The following MYOCD variants were observed in gnomAD, a reference collection of about 807,000 sequenced individuals.
MYOCD encodes myocardin.
In MYOCD, 32 loss-of-function variants were observed where a neutral mutation model predicts 96.1. The observed-to-expected ratio is 0.33, with a 90% CI of 0.25 to 0.45. The LOEUF (loss-of-function observed/expected upper bound fraction) is 0.45, where lower values mean the gene tolerates loss of function less well. MYOCD is among the 20% of genes least tolerant of loss of function. The pLI is 1.00. For synonymous variants in MYOCD, 469 were observed against 469.0 expected, an observed-to-expected ratio of 1.00 and a Z score of 0.00; for missense variants, 1,133 against 1,200.6, an observed-to-expected ratio of 0.94 and a Z score of 0.83.
At chr17:12,725,841 C>G (rs1393957282) in intron 5 of MYOCD, among the ~76,000 whole-genome samples, 1 of 151,980 alleles carries the variant, frequency 6.6e-6, no homozygotes, top group Non-Finnish European at 1.5e-5. Context: ...AAGTATTTCT[C>G]TATTCCTATC....
chr17:12,712,600 A>ATG (rs1265527109), intron 2 of MYOCD, among the ~76,000 whole-genome samples: 2 of 152,154 alleles, frequency 1.3e-5, no homozygotes, highest in African/African-American at 2.4e-5. Context: ...AAGTCAGCAA[A>ATG]TGTTTATATG....
In MYOCD at chr17:12,666,150, G is replaced by C. The variant is rs1909363826; in HGVS notation, c.-39G>C. 1 of 1,565,804 alleles carries C rather than the reference G, an allele frequency of 6.4e-7. No homozygotes were observed. Among genetic ancestry groups the C allele is most frequent in the African/African-American group, 1.4e-5 (1 of 73,888 alleles). On this transcript the variant is annotated 5_prime_UTR_variant, in exon 1 of 14. Transcript: ENST00000425538. ...GCCTGTTGCTGGTGGAGAACAGGGG[G>C]CGCCTGGCCAAGGGACCAGCGGCTT...
In MYOCD at chr17:12,745,875, C is replaced by T. The variant is rs757585545; in HGVS notation, c.972-44C>T. On this transcript the variant is annotated intron_variant, in intron 8 of 13. Coordinates refer to ENST00000425538, the MANE Select transcript of MYOCD (RefSeq NM_001146312.3). ...CCGATCTAAATGCAAGTTATCCCACCAATATTTGATTGTACTTGAAATGCC... is the reference window on the plus strand; with the variant it reads ...CCGATCTAAATGCAAGTTATCCCACTAATATTTGATTGTACTTGAAATGCC... 1.9e-6 allele frequency: 3 copies of T among 1,602,794 alleles called. No homozygotes were observed. In the Admixed American group the frequency reaches 5.0e-5, roughly 27 times the overall value.
chr17:12,676,484 T>G (rs1046618094), intron 1 of MYOCD, among the ~76,000 whole-genome samples: 2 of 152,202 alleles, frequency 1.3e-5, no homozygotes, highest in Non-Finnish European at 2.9e-5. Context: ...TTAAATTTTC[T>G]TATGTTCTTT....
chr17:12,701,406 C>T (rs769792280), intron 1 of MYOCD, among the ~76,000 whole-genome samples: 9 of 151,950 alleles, frequency 5.9e-5, no homozygotes, highest in Non-Finnish European at 7.4e-5. Flanking sequence ...AGTGAGACTC[C>T]GTCTCAAAAT....
chr17:12,669,593 A>G lies in MYOCD; in HGVS notation c.55+3350A>G, dbSNP rs181198424. Among the ~76,000 whole-genome samples, 14 of 151,882 alleles carry G rather than the reference A, an allele frequency of 9.2e-5. No homozygotes were observed. In the East Asian group the frequency reaches 2.7e-3, roughly 29 times the overall value. ...ACTAGGCCCTGTTATTCTTTTTGGC[A>G]ACCCTACCTACAATCTGAGTGTTTT... is the stretch of plus-strand genomic sequence containing the variant. On this transcript the variant is annotated intron_variant, in intron 1 of 13. Coordinates refer to ENST00000425538, the MANE Select transcript of MYOCD (RefSeq NM_001146312.3).
At chr17:12,727,981 A>G in intron 5 of MYOCD, among the ~76,000 whole-genome samples, 1 of 152,208 alleles carries the variant, frequency 6.6e-6, no homozygotes, top group Non-Finnish European at 1.5e-5. Context: ...CTGTAGGGTA[A>G]TAGGGGACTT....
intron 1 of MYOCD, among the ~76,000 whole-genome samples, chr17:12,667,395 C>T (rs1299244481): frequency 6.6e-6 from 1 of 152,176 alleles, no homozygotes; most frequent in African/African-American, 2.4e-5. Context: ...AGTCTCACTG[C>T]CCCTGAAGCT....
intron 1 of MYOCD, among the ~76,000 whole-genome samples, chr17:12,667,521 G>T (rs1271668243): frequency 6.6e-6 from 1 of 152,172 alleles, no homozygotes; most frequent in African/African-American, 2.4e-5. Flanking sequence ...CCACTGCGTT[G>T]TATTCGGTCA....
intron 1 of MYOCD, among the ~76,000 whole-genome samples, chr17:12,692,178 A>T (rs2030483404): frequency 6.6e-6 from 1 of 152,180 alleles, no homozygotes; most frequent in Non-Finnish European, 1.5e-5. Context: ...AAATGGCATA[A>T]CCTCTTCTAA....
intron 1 of MYOCD, among the ~76,000 whole-genome samples, chr17:12,674,932 A>G (rs1909926871): frequency 6.6e-6 from 1 of 152,220 alleles, no homozygotes; most frequent in South Asian, 2.1e-4. Context: ...ATAAAAATGG[A>G]CATATTTGGT....
chr17:12,706,512 A>G (rs1469683436), intron 2 of MYOCD, among the ~76,000 whole-genome samples: 3 of 152,236 alleles, frequency 2.0e-5, no homozygotes, highest in African/African-American at 7.2e-5. Flanking sequence ...GAGCAAATGG[A>G]CCTGCAACCT....
intron 8 of MYOCD, among the ~76,000 whole-genome samples, chr17:12,745,050 A>G (rs2150711818): frequency 6.6e-6 from 1 of 152,336 alleles, no homozygotes; most frequent in South Asian, 2.1e-4. Flanking sequence ...AAGTCTAAGA[A>G]TGTGATATTG....
At chr17:12,691,909 C>CA (rs1434018525) in intron 1 of MYOCD, among the ~76,000 whole-genome samples, 1 of 152,110 alleles carries the variant, frequency 6.6e-6, no homozygotes, top group Non-Finnish European at 1.5e-5. Context: ...TGGGAGATTT[C>CA]AATAGATGAT....
chr17:12,675,032 C>G (rs570151300), intron 1 of MYOCD, among the ~76,000 whole-genome samples: 1 of 151,794 alleles, frequency 6.6e-6, no homozygotes. Flanking sequence ...TGAAAATATA[C>G]GTGAGACAAA....
intron 1 of MYOCD, among the ~76,000 whole-genome samples, chr17:12,697,508 G>A (rs1165628307): frequency 6.7e-6 from 1 of 149,678 alleles, no homozygotes; most frequent in East Asian, 2.0e-4. Flanking sequence ...GACTACAGGC[G>A]CCCACCACTA....
At chr17:12,720,583 A>G (rs2031801484) in intron 4 of MYOCD, 1 of 152,206 alleles carries the variant, frequency 6.6e-6, no homozygotes, top group South Asian at 2.1e-4. Flanking sequence ...AGCAAAAATC[A>G]AAACTATATT....
chr17:12,720,760 G>A (rs1249459903), intron 4 of MYOCD, among the ~76,000 whole-genome samples: 2 of 152,196 alleles, frequency 1.3e-5, no homozygotes, highest in African/African-American at 4.8e-5. Flanking sequence ...GGTGGCTCAC[G>A]CCTTGTAATC....
chr17:12,763,270 A>C lies in MYOCD; in HGVS notation c.2587A>C (p.Ser863Arg), dbSNP rs748391546. The C allele has an allele frequency of 6.2e-7, 1 of 1,613,604 alleles. No individual in the cohort carries two copies. The change falls in exon 14 of 14, where the codon AGC becomes CGC. Residue 863 changes from serine to arginine, a missense_variant. Physicochemically the swap from Ser to Arg is moderately radical, Grantham distance 110 (BLOSUM62 -1). Transcript: ENST00000425538. ...TCTTGAAGTCTTATTAAATTCCCAG[A>C]GCCCCCTAGGAAAGATGAGTGATGT... The part of the protein sequence containing the change: ...EHLEVLLNSQ[S>R]PLGKMSDVTL...
Sources: allele counts gnomAD v4.1 joint callset (sites outside exome capture counted in the v4.1 genomes callset), GRCh38; gene constraint gnomAD v4.1.1; transcripts MANE v1.5; gene names NCBI Gene and HGNC (gene_info 2026-07-23, HGNC 2026-07-21).